The following AK5 variants were observed in gnomAD, a reference collection of about 807,000 sequenced individuals.
AK5 encodes the protein adenylate kinase isoenzyme 5.
Under a neutral mutation model 69.5 loss-of-function variants are expected in AK5, and 27 were observed. The observed-to-expected ratio is 0.39, with a 90% confidence interval of 0.29 to 0.54. The LOEUF (loss-of-function observed/expected upper bound fraction) is 0.54, where lower values mean the gene tolerates loss of function less well. Among genes scored for constraint, AK5 ranks in the 20% least tolerant of loss-of-function variants. The pLI is 0.71. For missense variants in AK5, 531 were observed against 700.4 expected (o/e 0.76, Z 2.73); for synonymous variants, 260 against 244.4 (o/e 1.06, Z -0.60).
intron 8 of AK5, among the ~76,000 whole-genome samples, chr1:77,426,978 G>A (rs767150403): frequency 1.3e-5 from 2 of 152,024 alleles, no homozygotes; most frequent in Non-Finnish European, 2.9e-5. Context: ...TGCACCAAAA[G>A]CAGTGATAAT....
chr1:77,314,529 A>G (rs1660137814), intron 5 of AK5: 5 of 152,704 alleles, frequency 3.3e-5, no homozygotes. Flanking sequence ...TTGATACACA[A>G]TCATATATTT....
At chr1:77,445,023 T>G (rs1652659284) in intron 8 of AK5, among the ~76,000 whole-genome samples, 1 of 152,180 alleles carries the variant, frequency 6.6e-6, no homozygotes, top group South Asian at 2.1e-4. Flanking sequence ...CTTTTACAGA[T>G]GAATGATATT....
rs753916010 is a variant in AK5, at chr1:77,391,495, GTATATATATA to G, written c.892-19462_892-19453del. Among the ~76,000 whole-genome samples the G allele has an allele frequency of 9.9e-3, 628 of 63,416 alleles. 15 individuals are homozygous for G. The highest frequency in any genetic ancestry group is 0.031 in the African/African-American group (587 of 19,006). 41.6% of individuals were successfully genotyped at this position (63,416 alleles called of 152,430 possible). A position where few individuals can be genotyped will look rare whatever the true frequency, so the allele number is the denominator to read the frequency against. On this transcript the variant is annotated intron_variant, in intron 6 of 13. Transcript: ENST00000354567. The stretch of plus-strand genomic sequence containing the variant: ...TATGTGTGTGTGTATGTGTGTGTGT[GTATATATATA>G]TATATATATATATATATATATATCT...
chr1:77,400,521 G>A (rs1649142019), intron 6 of AK5, among the ~76,000 whole-genome samples: 1 of 152,152 alleles, frequency 6.6e-6, no homozygotes. Flanking sequence ...TGGTGCTCCT[G>A]TTGTTGAGTG....
intron 7 of AK5, 35 bp downstream of exon 7, chr1:77,411,106 G>A (rs1301421543): frequency 9.0e-6 from 14 of 1,554,364 alleles, no homozygotes; most frequent in East Asian, 2.3e-5. Flanking sequence ...ACAGTACGCC[G>A]TGATCACCTG....
chr1:77,289,015 G>A lies in AK5; in HGVS notation c.247+1888G>A, dbSNP rs1309018508. Among the ~76,000 whole-genome samples, 4 of 152,072 alleles carry A rather than the reference G, an allele frequency of 2.6e-5. No individual in the cohort carries two copies. The East Asian group carries it at 5.8e-4, about 22-fold the overall frequency. ...ACCAAATATTTTTATTTGACCCTTAGAAACCTTACAATACCAAAGAGATTT... is the reference window on the plus strand; with the variant it reads ...ACCAAATATTTTTATTTGACCCTTAAAAACCTTACAATACCAAAGAGATTT... On this transcript the variant is annotated intron_variant, in intron 2 of 13. Transcript: ENST00000354567.
intron 1 of AK5, among the ~76,000 whole-genome samples, chr1:77,286,225 T>C (rs1265598963): frequency 9.2e-5 from 14 of 151,872 alleles, no homozygotes; most frequent in Non-Finnish European, 1.5e-5. Context: ...GTATTTATTA[T>C]TACCCCCATT....
At chr1:77,514,946 A>G (rs886419093) in intron 10 of AK5, among the ~76,000 whole-genome samples, 1 of 152,216 alleles carries the variant, frequency 6.6e-6, no homozygotes, top group East Asian at 1.9e-4. Context: ...TGGCCTTTTC[A>G]GGAGCTCAGC....
chr1:77,419,117 T>G (rs1650634140), intron 8 of AK5, among the ~76,000 whole-genome samples: 1 of 151,704 alleles, frequency 6.6e-6, no homozygotes, highest in Non-Finnish European at 1.5e-5. Context: ...AATAAGGATG[T>G]GAACTTAGGG....
intron 5 of AK5, among the ~76,000 whole-genome samples, chr1:77,330,162 A>G (rs1241847467): frequency 6.6e-6 from 1 of 152,202 alleles, no homozygotes; most frequent in Non-Finnish European, 1.5e-5. Context: ...TACGTGTGGC[A>G]AACATCTCCT....
chr1:77,518,425 A>G, intron 10 of AK5, 139 bp from the exon 11 acceptor site: 2 of 841,330 alleles, frequency 2.4e-6, no homozygotes. Flanking sequence ...CTCTCAGCAC[A>G]GCTCCTGGTA....
chr1:77,381,368 G>A (rs1444540969), intron 6 of AK5, among the ~76,000 whole-genome samples: 1 of 152,172 alleles, frequency 6.6e-6, no homozygotes, highest in Non-Finnish European at 1.5e-5. Context: ...GTTTGTAACG[G>A]ACCTAATCTA....
intron 8 of AK5, among the ~76,000 whole-genome samples, chr1:77,460,321 A>G (rs1248172732): frequency 6.6e-6 from 1 of 152,254 alleles, no homozygotes; most frequent in Non-Finnish European, 1.5e-5. Context: ...CAAACGTCAC[A>G]GGAAATATAC....
In AK5 at chr1:77,380,118, G is replaced by C. The variant is rs534088859; in HGVS notation, c.892-30863G>C. 2.6e-5 allele frequency among the ~76,000 whole-genome samples: 4 copies of C among 152,296 alleles called. No homozygotes were observed. The South Asian group carries it at 8.3e-4, about 32-fold the overall frequency. The stretch of plus-strand genomic sequence containing the variant: ...AGCCAGCTGAAATGCAAAGACACGA[G>C]AGTGCAATTTCTCTTTGGCATCCTC... On this transcript the variant is annotated intron_variant, in intron 6 of 13. Coordinates refer to ENST00000354567, the MANE Select transcript of AK5 (RefSeq NM_174858.3).
chr1:77,335,799 A>T (rs1175019765), intron 5 of AK5, among the ~76,000 whole-genome samples: 1 of 152,036 alleles, frequency 6.6e-6, no homozygotes, highest in Non-Finnish European at 1.5e-5. Context: ...TATGTTATTT[A>T]TCTATTTATC....
chr1:77,536,839 G>A (rs1658998988), intron 13 of AK5, among the ~76,000 whole-genome samples: 1 of 152,174 alleles, frequency 6.6e-6, no homozygotes, highest in Admixed American at 6.5e-5. Flanking sequence ...TGCATATGGG[G>A]CCAGGAGAGC....
intron 6 of AK5, among the ~76,000 whole-genome samples, chr1:77,381,846 C>T (rs1420802991): frequency 6.6e-6 from 1 of 152,132 alleles, no homozygotes; most frequent in East Asian, 1.9e-4. Context: ...GAAATAAATT[C>T]CACATTGACA....
chr1:77,367,882 A>ATAT (rs1257129454), intron 6 of AK5, among the ~76,000 whole-genome samples: 5 of 19,642 alleles, frequency 2.5e-4, no homozygotes, highest in Non-Finnish European at 3.4e-4. Flanking sequence ...TATATAATAT[A>ATAT]AAATATATGT....
In AK5 at chr1:77,405,873, A is replaced by C. The variant is rs145322628; in HGVS notation, c.892-5108A>C. ...TTAATGAAGCTGGGGTGCAGCTCAT[A>C]ACATTGCCCTCCTTCTTTGCCTTAC... On this transcript the variant is annotated intron_variant, in intron 6 of 13. Coordinates refer to ENST00000354567, the MANE Select transcript of AK5 (RefSeq NM_174858.3). Among the ~76,000 whole-genome samples, 618 of 152,256 alleles carry C rather than the reference A, an allele frequency of 4.1e-3. 2 individuals are homozygous for C. The highest frequency in any genetic ancestry group is 0.014 in the African/African-American group (587 of 41,526).
Sources: allele counts gnomAD v4.1 joint callset (sites outside exome capture counted in the v4.1 genomes callset), GRCh38; gene constraint gnomAD v4.1.1; transcripts MANE v1.5; gene names NCBI Gene and HGNC (gene_info 2026-07-23, HGNC 2026-07-21).